The following CARMIL1 variants were observed in gnomAD, a reference collection of about 807,000 sequenced individuals.
CARMIL1 encodes capping protein regulator and myosin 1 linker 1.
In CARMIL1, 90 loss-of-function variants were observed where a neutral mutation model predicts 177.1. The observed-to-expected ratio is 0.51, with a 90% confidence interval of 0.43 to 0.61. The LOEUF is 0.61. Among genes scored for constraint, CARMIL1 ranks in the 20% least tolerant of loss-of-function variants. The pLI is 0.00. For missense variants in CARMIL1, 1,380 were observed against 1,667.0 expected (o/e 0.83, Z 3.00); for synonymous variants, 577 against 606.2 (o/e 0.95, Z 0.71).
chr6:25,420,027 A>G (rs1795705306), intron 2 of CARMIL1, 87 bp from the exon 3 acceptor site: 2 of 959,882 alleles, frequency 2.1e-6, no homozygotes, highest in Admixed American at 1.7e-5. Context: ...CTGAGGTTTC[A>G]GTATCATTAA....
chr6:25,503,678 A>G (rs780927167), intron 17 of CARMIL1, among the ~76,000 whole-genome samples: 6 of 152,234 alleles, frequency 3.9e-5, no homozygotes, highest in Non-Finnish European at 7.3e-5. Flanking sequence ...CACTCTTAGC[A>G]TACCAGTTGA....
chr6:25,282,056 C>T (rs1027745107), intron 1 of CARMIL1, among the ~76,000 whole-genome samples: 1 of 140,938 alleles, frequency 7.1e-6, no homozygotes, highest in African/African-American at 2.7e-5. Context: ...CGGAGGTTGC[C>T]GTAAGCCGAG....
At chr6:25,427,435 A>G (rs1393096124) in intron 4 of CARMIL1, among the ~76,000 whole-genome samples, 1 of 152,144 alleles carries the variant, frequency 6.6e-6, no homozygotes. Flanking sequence ...TGGCTATATT[A>G]CAGTTCGTTT....
intron 8 of CARMIL1, chr6:25,452,554 T>C (rs963646929): frequency 5.0e-6 from 1 of 199,462 alleles, no homozygotes; most frequent in African/African-American, 2.3e-5. Flanking sequence ...GAAATATTTA[T>C]TAATTAAAAA....
intron 29 of CARMIL1, among the ~76,000 whole-genome samples, chr6:25,578,434 C>T (rs1410107403): frequency 3.9e-5 from 6 of 152,090 alleles, no homozygotes; most frequent in Admixed American, 3.9e-4. Context: ...TAAATATACA[C>T]TTAGGTGGAT....
At chr6:25,583,623 G>A (rs1387765888) in intron 31 of CARMIL1, among the ~76,000 whole-genome samples, 1 of 152,092 alleles carries the variant, frequency 6.6e-6, no homozygotes, top group Non-Finnish European at 1.5e-5. Flanking sequence ...TCAGGCTTTT[G>A]TTGTGTTTGG....
intron 31 of CARMIL1, among the ~76,000 whole-genome samples, chr6:25,588,825 A>G (rs1163716556): frequency 6.6e-6 from 1 of 152,228 alleles, no homozygotes; most frequent in African/African-American, 2.4e-5. Flanking sequence ...TCAATATTCA[A>G]GGGAATATGA....
chr6:25,562,332 C>T (rs1332484207), intron 29 of CARMIL1, among the ~76,000 whole-genome samples: 1 of 151,850 alleles, frequency 6.6e-6, no homozygotes, highest in Non-Finnish European at 1.5e-5. Flanking sequence ...ACTGCAGACT[C>T]TGCCTCCCTG....
At chr6:25,456,654 G>A (rs1184109735) in intron 8 of CARMIL1, among the ~76,000 whole-genome samples, 1 of 152,090 alleles carries the variant, frequency 6.6e-6, no homozygotes, top group African/African-American at 2.4e-5. Flanking sequence ...GGAGTGGTAG[G>A]GAATTATGAA....
chr6:25,604,412 G>C (rs1241180055), intron 33 of CARMIL1, among the ~76,000 whole-genome samples: 2 of 152,110 alleles, frequency 1.3e-5, no homozygotes, highest in Non-Finnish European at 2.9e-5. Flanking sequence ...ACCAAACCTA[G>C]AGCAGATTCT....
intron 8 of CARMIL1, among the ~76,000 whole-genome samples, chr6:25,459,273 T>TC (rs1390647134): frequency 6.0e-5 from 8 of 132,826 alleles, no homozygotes; most frequent in African/African-American, 8.8e-5. Context: ...TTTCTTTTTT[T>TC]TTTTTTTAAG....
chr6:25,490,589 T>C (rs1803103135), intron 13 of CARMIL1, among the ~76,000 whole-genome samples: 1 of 151,938 alleles, frequency 6.6e-6, no homozygotes, highest in South Asian at 2.1e-4. Context: ...TCCCAGCCAC[T>C]CAGGAGGTTG....
intron 36 of CARMIL1, among the ~76,000 whole-genome samples, chr6:25,615,631 T>C (rs1582537723): frequency 6.6e-6 from 1 of 152,234 alleles, no homozygotes; most frequent in East Asian, 1.9e-4. Flanking sequence ...GGCTGTGACT[T>C]GCAGTCTGTA....
chr6:25,452,833 C>T (rs1333339853), intron 8 of CARMIL1, among the ~76,000 whole-genome samples: 1 of 152,140 alleles, frequency 6.6e-6, no homozygotes, highest in Non-Finnish European at 1.5e-5. Context: ...TTTTCAATAG[C>T]CTTTTCACAT....
At chr6:25,530,659 T>C (rs1028781226) in intron 24 of CARMIL1, among the ~76,000 whole-genome samples, 1 of 152,164 alleles carries the variant, frequency 6.6e-6, no homozygotes, top group Non-Finnish European at 1.5e-5. Context: ...AGACATGAAC[T>C]CAGAAATTCT....
intron 20 of CARMIL1, among the ~76,000 whole-genome samples, chr6:25,512,628 T>A (rs1805566018): frequency 6.6e-6 from 1 of 152,188 alleles, no homozygotes; most frequent in Non-Finnish European, 1.5e-5. Context: ...TGACCTGGTG[T>A]TTGTAGAGCT....
chr6:25,485,825 C>T (rs1434749266), intron 12 of CARMIL1, among the ~76,000 whole-genome samples: 1 of 151,824 alleles, frequency 6.6e-6, no homozygotes, highest in African/African-American at 2.4e-5. Flanking sequence ...AAGTATTTTA[C>T]ATAGGATCTG....
rs777983603 is a variant in CARMIL1, at chr6:25,594,550, G to A, written c.3119+23G>A. ...CAAGTGAGTTCAGAGTAATTTCACTGATAATGCTATTTTATTCATATTTAA... is the reference window on the plus strand; with the variant it reads ...CAAGTGAGTTCAGAGTAATTTCACTAATAATGCTATTTTATTCATATTTAA... On this transcript the variant is annotated intron_variant, in intron 32 of 36. Transcript: ENST00000329474. 7.2e-6 allele frequency: 9 copies of A among 1,250,036 alleles called. No homozygotes were observed. In the East Asian group the frequency reaches 1.9e-4, roughly 26 times the overall value. 77.4% of individuals were successfully genotyped at this position (1,250,036 alleles called of 1,614,324 possible). A position where few individuals can be genotyped will look rare whatever the true frequency, so the allele number is the denominator to read the frequency against.
At chr6:25,424,630 A>G (rs1207168683) in intron 3 of CARMIL1, among the ~76,000 whole-genome samples, 1 of 152,246 alleles carries the variant, frequency 6.6e-6, no homozygotes, top group East Asian at 1.9e-4. Context: ...GCAACATTTT[A>G]GTGAAAGATA....
Sources: gnomAD v4.1 joint callset for allele counts (sites outside exome capture counted in the v4.1 genomes callset) on GRCh38, gnomAD v4.1.1 for gene constraint, MANE v1.5 for transcripts, NCBI Gene and HGNC (gene_info 2026-07-23, HGNC 2026-07-21) for gene names.